The following TRPM6 variants were observed in gnomAD, a reference collection of about 807,000 sequenced individuals.
The protein encoded by TRPM6 is channel kinase 2.
A neutral mutation model predicts 247.6 loss-of-function variants in TRPM6; 111 were observed. The ratio of observed to expected loss-of-function variants is 0.45; its 90% CI spans 0.38 to 0.52. The LOEUF is 0.52. Ranked by LOEUF, TRPM6 falls within the 20% of genes least tolerant of loss-of-function variation. TRPM6 has a pLI of 0.00. For missense variants in TRPM6, 2,126 were observed against 2,421.5 expected (o/e 0.88, Z 2.56); for synonymous variants, 892 against 853.8 (o/e 1.04, Z -0.78).
intron 14 of TRPM6, among the ~76,000 whole-genome samples, chr9:74,806,426 C>G (rs1828529982): frequency 6.6e-6 from 1 of 151,984 alleles, no homozygotes; most frequent in African/African-American, 2.4e-5. Flanking sequence ...ATGCCCAGCC[C>G]AAACTACAGG....
chr9:74,737,990 G>A (rs1825747796), intron 36 of TRPM6, among the ~76,000 whole-genome samples: 1 of 152,176 alleles, frequency 6.6e-6, no homozygotes, highest in South Asian at 2.1e-4. Context: ...AAGGGACACA[G>A]CAAAGAGAGC....
intron 3 of TRPM6, among the ~76,000 whole-genome samples, chr9:74,852,592 C>A (rs1587581323): frequency 6.6e-6 from 1 of 152,180 alleles, no homozygotes; most frequent in South Asian, 2.1e-4. Flanking sequence ...AACCTCCCTG[C>A]CTGATTCTCC....
chr9:74,762,532 T>G lies in TRPM6; in HGVS notation c.4139A>C (p.Gln1380Pro). ...PDVLATEQDI[Q>P]TEVLVHLTGQ... ...AGTCAGATGAACAAGAACCTCAGTC[T>G]GGATGTCCTGTTCAGTTGCCAGCAC... is the stretch of plus-strand genomic sequence containing the variant. Residue 1380 changes from glutamine (Q) to proline (P), a missense_variant, in exon 26 of 39, where the codon CAG becomes CCG. This residue lies in a region of TRPM6 where 717 missense variants were observed against 715.9 expected (regional missense o/e 1.00). Transcript: ENST00000360774. 6.2e-7 allele frequency: 1 copy of G among 1,614,216 alleles called. No individual in the cohort carries two copies. The highest frequency in any genetic ancestry group is 8.5e-7 in the Non-Finnish European group (1 of 1,180,036).
intron 1 of TRPM6, among the ~76,000 whole-genome samples, chr9:74,877,251 A>G (rs1831222494): frequency 1.3e-5 from 2 of 152,252 alleles, no homozygotes; most frequent in South Asian, 4.1e-4. Flanking sequence ...ACACATGTCT[A>G]TACAAAAACT....
intron 38 of TRPM6, 42 bp downstream of exon 38, chr9:74,728,197 T>C (rs753684839): frequency 1.1e-5 from 15 of 1,361,362 alleles, no homozygotes; most frequent in Non-Finnish European, 1.3e-5. Flanking sequence ...TGTTGTTCTA[T>C]GAGAGATTTA....
intron 3 of TRPM6, among the ~76,000 whole-genome samples, chr9:74,846,793 C>A (rs12350446): frequency 0.01 from 1,586 of 152,288 alleles, 28 homozygotes; most frequent in African/African-American, 0.036. Context: ...AGGTGATCCA[C>A]CCACTTCGGC....
At chr9:74,820,234 A>C (rs1829090651) in intron 9 of TRPM6, 70 bp downstream of exon 9, 2 of 1,548,526 alleles carry the variant, frequency 1.3e-6, no homozygotes, top group Non-Finnish European at 1.8e-6. Flanking sequence ...TTAATTGTGA[A>C]AATAAATATT....
At chr9:74,859,525 C>T (rs1056104522) in intron 1 of TRPM6, among the ~76,000 whole-genome samples, 6 of 152,204 alleles carry the variant, frequency 3.9e-5, no homozygotes, top group Non-Finnish European at 8.8e-5. Flanking sequence ...GTAATCCCAA[C>T]ACTTTGGGAG....
At chr9:74,863,536 T>C (rs1402644604) in intron 1 of TRPM6, among the ~76,000 whole-genome samples, 6 of 152,096 alleles carry the variant, frequency 3.9e-5, no homozygotes. Context: ...TATCTTGGGG[T>C]ACTCTCTGAG....
In TRPM6 at chr9:74,724,277, C is replaced by A; in HGVS notation, c.*336G>T. ...GAAAATAAAATAAATGTATCCCCCC[C>A]AACCCCATCCTTTAATGTGCAGGAT... On this transcript the variant is annotated 3_prime_UTR_variant, in exon 39 of 39. Transcript: ENST00000360774. 1 of 381,346 alleles carries A rather than the reference C, an allele frequency of 2.6e-6. No homozygotes were observed. The highest frequency in any genetic ancestry group is 4.9e-6 in the Non-Finnish European group (1 of 202,160). 23.6% of individuals were successfully genotyped at this position (381,346 alleles called of 1,614,324 possible).
intron 36 of TRPM6, chr9:74,737,332 A>G: frequency 7.9e-7 from 1 of 1,273,094 alleles, no homozygotes; most frequent in Non-Finnish European, 1.0e-6. Flanking sequence ...ACAAGTTTCA[A>G]TCAAAGTACT....
intron 20 of TRPM6, among the ~76,000 whole-genome samples, chr9:74,786,581 A>C (rs1827679944): frequency 6.6e-6 from 1 of 151,922 alleles, no homozygotes; most frequent in Non-Finnish European, 1.5e-5. Context: ...TCTACTAAAA[A>C]TACAAAAAAT....
At chr9:74,744,427 C>T (rs1367808815) in intron 31 of TRPM6, among the ~76,000 whole-genome samples, 2 of 152,156 alleles carry the variant, frequency 1.3e-5, no homozygotes, top group African/African-American at 4.8e-5. Flanking sequence ...AATTACACCT[C>T]TGGGTTGCAG....
chr9:74,734,317 C>A (rs1825622412), intron 36 of TRPM6, among the ~76,000 whole-genome samples: 1 of 152,110 alleles, frequency 6.6e-6, no homozygotes, highest in African/African-American at 2.4e-5. Flanking sequence ...TAGTGTATTT[C>A]TACTTGTTGA....
chr9:74,759,521 A>T (rs780846671), intron 27 of TRPM6, among the ~76,000 whole-genome samples: 1 of 152,140 alleles, frequency 6.6e-6, no homozygotes, highest in Non-Finnish European at 1.5e-5. Flanking sequence ...ATTGAAAAAG[A>T]TATCTTTTTA....
At chr9:74,848,399 G>A (rs1830176624) in intron 3 of TRPM6, among the ~76,000 whole-genome samples, 1 of 152,142 alleles carries the variant, frequency 6.6e-6, no homozygotes, top group South Asian at 2.1e-4. Flanking sequence ...TGGCTAGGCT[G>A]GACAAAGGAA....
chr9:74,836,922 G>T (rs1438485662), intron 5 of TRPM6, among the ~76,000 whole-genome samples: 1 of 152,108 alleles, frequency 6.6e-6, no homozygotes, highest in Non-Finnish European at 1.5e-5. Flanking sequence ...GACTTCCAAG[G>T]TGCCCTCAGT....
intron 21 of TRPM6, among the ~76,000 whole-genome samples, chr9:74,783,639 C>G (rs528958113): frequency 1.3e-5 from 2 of 152,338 alleles, no homozygotes; most frequent in South Asian, 4.1e-4. Flanking sequence ...CTCACCAAAC[C>G]TTGCATTAGG....
intron 18 of TRPM6, among the ~76,000 whole-genome samples, chr9:74,794,950 CT>C (rs1379871736): frequency 7.9e-6 from 1 of 125,876 alleles, no homozygotes; most frequent in South Asian, 2.9e-4. Flanking sequence ...AACAATAAGT[CT>C]TCCCCCCATA....
Sources: gnomAD v4.1 joint callset for allele counts (sites outside exome capture counted in the v4.1 genomes callset) on GRCh38, gnomAD v4.1.1 for gene constraint, gnomAD v4.1.1 regional missense constraint, MANE v1.5 for transcripts, NCBI Gene and HGNC (gene_info 2026-07-23, HGNC 2026-07-21) for gene names.